Variants in DGLUCY observed in about 807,000 individuals in gnomAD.
The protein encoded by DGLUCY is D-glutamate cyclase, also known as D-glutamate cyclase, mitochondrial.
DGLUCY carries 58 observed loss-of-function variants against 58.5 expected under a neutral mutation model. The observed-to-expected ratio is 0.99, with a 90% CI of 0.80 to 1.23. DGLUCY has a LOEUF of 1.23. Ranked by LOEUF, DGLUCY falls within the 50% of genes most tolerant of loss-of-function variation. The probability of loss-of-function intolerance (pLI) is 0.00; values close to 1 mark genes in which losing one functional copy is unlikely to be tolerated. For synonymous variants in DGLUCY, 325 were observed against 314.1 expected, an observed-to-expected ratio of 1.03 and a Z score of -0.37; for missense variants, 779 against 784.7, an observed-to-expected ratio of 0.99 and a Z score of 0.09.
intron 1 of DGLUCY, among the ~76,000 whole-genome samples, chr14:91,149,039 G>A (rs1419209322): frequency 2.6e-5 from 4 of 152,054 alleles, no homozygotes; most frequent in African/African-American, 9.7e-5. Context: ...CCTGAGGTGG[G>A]GAGTTTGAGA....
At chr14:91,091,802 A>T (rs532473075) in intron 1 of DGLUCY, among the ~76,000 whole-genome samples, 1 of 152,236 alleles carries the variant, frequency 6.6e-6, no homozygotes, top group Non-Finnish European at 1.5e-5. Context: ...TCCGGGAATG[A>T]ACATACCCAA....
intron 1 of DGLUCY, among the ~76,000 whole-genome samples, chr14:91,099,353 T>C (rs903629823): frequency 1.8e-4 from 27 of 151,986 alleles, no homozygotes; most frequent in African/African-American, 6.0e-4. Flanking sequence ...GCCAACATGG[T>C]GAAACCCCGT....
At chr14:91,110,840 C>T (rs1465041855), upstream of DGLUCY, among the ~76,000 whole-genome samples, 1 of 152,154 alleles carries the variant, frequency 6.6e-6, no homozygotes, top group Non-Finnish European at 1.5e-5. Context: ...AGTACATTCA[C>T]AATGGTATGC....
upstream of DGLUCY, among the ~76,000 whole-genome samples, chr14:91,109,484 C>A (rs1430309000): frequency 1.3e-5 from 2 of 152,198 alleles, no homozygotes; most frequent in Non-Finnish European, 2.9e-5. Context: ...ACCCTCCCTG[C>A]CCCAGGCTTT....
At chr14:91,128,181 A>G (rs553618590) in intron 1 of DGLUCY, among the ~76,000 whole-genome samples, 1 of 152,162 alleles carries the variant, frequency 6.6e-6, no homozygotes, top group East Asian at 1.9e-4. Flanking sequence ...ATTGATGTTA[A>G]GAAAGATCCA....
chr14:91,167,776 A>G (rs1390842122), intron 4 of DGLUCY: 17 of 645,478 alleles, frequency 2.6e-5, no homozygotes, highest in Middle Eastern at 2.5e-4. Context: ...ACTAGAACCT[A>G]TCTAGTAAAT....
At chr14:91,214,406 T>C (rs1478107812) in intron 12 of DGLUCY, among the ~76,000 whole-genome samples, 1 of 152,158 alleles carries the variant, frequency 6.6e-6, no homozygotes, top group South Asian at 2.1e-4. Context: ...CCTTTGGGCA[T>C]GTGATGGAAA....
intron 1 of DGLUCY, among the ~76,000 whole-genome samples, chr14:91,131,930 A>G (rs1398631313): frequency 6.6e-6 from 1 of 152,136 alleles, no homozygotes; most frequent in East Asian, 1.9e-4. Flanking sequence ...AGTAGCTGGG[A>G]TTACAAGAGT....
chr14:91,214,877 G>A (rs1220824653), intron 12 of DGLUCY, among the ~76,000 whole-genome samples: 5 of 152,120 alleles, frequency 3.3e-5, no homozygotes, highest in African/African-American at 1.2e-4. Flanking sequence ...TAGGCCAGGT[G>A]CAGTGGCTCA....
rs150288862 is a variant in DGLUCY, at chr14:91,164,406, G to A, written c.104-2819G>A. Among the ~76,000 whole-genome samples the A allele has an allele frequency of 3.4e-3, 512 of 152,284 alleles. 7 individuals are homozygous for A. The highest frequency in any genetic ancestry group is 6.0e-3 in the Non-Finnish European group (406 of 68,024). On this transcript the variant is annotated intron_variant, in intron 3 of 13. Transcript: ENST00000256324. ...TTACTGGTTCTAGTAGATGTTCTTT[G>A]GTGTCTGCACATTCAAGGGTTAGAT...
rs533076061 is a variant in DGLUCY, at chr14:91,224,770, C to G, written c.1803C>G (p.Pro601=). The G allele has an allele frequency of 6.2e-7, 1 of 1,613,826 alleles. No homozygotes were observed. The highest frequency in any genetic ancestry group is 1.1e-5 in the South Asian group (1 of 91,050). ...GIVGMEVDGL[P]FHNTHAEMIQ... ...TGGGCATGGAGGTGGATGGGCTGCC[C>G]TTCCACAACACCCACGCCGAGATGA... The change falls in exon 14 of 14, where the codon CCC becomes CCG. Residue 601 remains proline (P), a synonymous_variant. Coordinates refer to ENST00000256324, the MANE Select transcript of DGLUCY (RefSeq NM_001102368.3).
At chr14:91,064,425 C>T (rs753109067) in intron 1 of DGLUCY, among the ~76,000 whole-genome samples, 2 of 151,830 alleles carry the variant, frequency 1.3e-5, no homozygotes, top group Non-Finnish European at 2.9e-5. Flanking sequence ...GAATTCAAGA[C>T]CAGCCTGGTC....
intron 13 of DGLUCY, among the ~76,000 whole-genome samples, chr14:91,221,292 A>G (rs1442760613): frequency 6.6e-6 from 1 of 152,232 alleles, no homozygotes; most frequent in African/African-American, 2.4e-5. Context: ...GGAGGAACAA[A>G]TGATGACTTA....
intron 13 of DGLUCY, chr14:91,220,507 G>A: frequency 2.2e-6 from 1 of 456,378 alleles, no homozygotes; most frequent in Non-Finnish European, 4.4e-6. Flanking sequence ...GGTGGCCTAT[G>A]CCAAGGAGAG....
At chr14:91,137,392 C>CT (rs113028321) in intron 1 of DGLUCY, among the ~76,000 whole-genome samples, 4,890 of 144,360 alleles carry the variant, frequency 0.034, 144 homozygotes, top group Non-Finnish European at 0.047. Context: ...AATTTCTTTT[C>CT]TTTTTTTTTT....
At chr14:91,074,587 A>C (rs191202486) in intron 1 of DGLUCY, among the ~76,000 whole-genome samples, 1 of 152,282 alleles carries the variant, frequency 6.6e-6, no homozygotes, top group African/African-American at 2.4e-5. Context: ...TGGCTAAAAA[A>C]CATTTACCTT....
At chr14:91,182,334 C>T (rs1012242819) in intron 8 of DGLUCY, among the ~76,000 whole-genome samples, 5 of 151,702 alleles carry the variant, frequency 3.3e-5, no homozygotes, top group African/African-American at 9.7e-5. Context: ...TGAGGAAGTT[C>T]GTTGAGTTTA....
chr14:91,173,018 T>C (rs560855247), intron 5 of DGLUCY, among the ~76,000 whole-genome samples: 1 of 152,328 alleles, frequency 6.6e-6, no homozygotes, highest in African/African-American at 2.4e-5. Context: ...TTTTCTTGTA[T>C]GCAGTTAAAG....
chr14:91,135,670 A>AAC (rs1194130441), intron 1 of DGLUCY, among the ~76,000 whole-genome samples: 9 of 150,910 alleles, frequency 6.0e-5, no homozygotes, highest in Non-Finnish European at 1.0e-4. Flanking sequence ...AAAAAAAAAA[A>AAC]AAAACAAGTA....
Sources: gnomAD v4.1 joint callset for allele counts (sites outside exome capture counted in the v4.1 genomes callset) on GRCh38, gnomAD v4.1.1 for gene constraint, MANE v1.5 for transcripts, NCBI Gene and HGNC (gene_info 2026-07-23, HGNC 2026-07-21) for gene names.